Variants in ADGRG6 observed in about 807,000 individuals in gnomAD.
The protein encoded by ADGRG6 is adhesion G protein-coupled receptor G6.
Under a neutral mutation model 142.4 loss-of-function variants are expected in ADGRG6, and 84 were observed. The ratio of observed to expected loss-of-function variants is 0.59; its 90% CI spans 0.49 to 0.71. ADGRG6 has a LOEUF of 0.71. ADGRG6 is among the 30% of genes least tolerant of loss of function. ADGRG6 has a pLI of 0.00. For synonymous variants in ADGRG6, 521 were observed against 520.5 expected, an observed-to-expected ratio of 1.00 and a Z score of -0.01; for missense variants, 1,367 against 1,466.6, an observed-to-expected ratio of 0.93 and a Z score of 1.11.
intron 2 of ADGRG6, among the ~76,000 whole-genome samples, chr6:142,351,909 T>G (rs1390038076): frequency 6.6e-6 from 1 of 152,022 alleles, no homozygotes; most frequent in Non-Finnish European, 1.5e-5. Context: ...AAAACTACAG[T>G]GAAATACCAT....
Position 142,402,824 on chromosome 6 carries a change from C to T in ADGRG6, c.1949C>T (p.Ser650Phe). The change falls in exon 13 of 25, where the codon TCT becomes TTT. Residue 650 changes from serine to phenylalanine, a missense_variant. Physicochemically the swap from Ser to Phe is radical, Grantham distance 155. This residue lies in a region of ADGRG6 where 286 missense variants were observed against 371.4 expected (regional missense o/e 0.77). Transcript: ENST00000367609. ...SSSDSDLLES[S>F]SEALKTIDEL... Reference sequence around the variant, plus strand: ...TCAGACAGTGACTTGCTTGAGTCATCTTCTGAGTAAGTATTTTTTTTTTCC... The same window carrying T: ...TCAGACAGTGACTTGCTTGAGTCATTTTCTGAGTAAGTATTTTTTTTTTCC... 6.5e-7 allele frequency: 1 copy of T among 1,537,264 alleles called. No homozygotes were observed. The highest frequency in any genetic ancestry group is 8.8e-7 in the Non-Finnish European group (1 of 1,130,370).
At chr6:142,381,869 T>TATTAC (rs1054528893) in intron 4 of ADGRG6, 82 bp from the exon 5 acceptor site, 5 of 844,098 alleles carry the variant, frequency 5.9e-6, no homozygotes, top group Non-Finnish European at 9.7e-6. Context: ...GGGCTGCTTC[T>TATTAC]ATTACATCAA....
rs921416968 is a variant in ADGRG6 at position 142,370,414 on chromosome 6, A to G, written c.690A>G (p.Lys230=). 4 of 1,613,700 alleles carry G rather than the reference A, an allele frequency of 2.5e-6. No individual in the cohort carries two copies. Among genetic ancestry groups the G allele is most frequent in the Non-Finnish European group, 3.4e-6 (4 of 1,179,690 alleles). ...ACTTTCTATCCATTTCTGATTCAAA[A>G]TGTTTGTTGAATAATGCATTACCTG... ...SGYFLSISDS[K]CLLNNALPVK... is the part of the protein sequence containing the mutation. The change falls in exon 4 of 25, where the codon AAA becomes AAG. Residue 230 remains lysine (K), a synonymous_variant. Transcript: ENST00000367609.
chr6:142,323,743 C>T (rs529417280), intron 2 of ADGRG6, among the ~76,000 whole-genome samples: 2 of 152,076 alleles, frequency 1.3e-5, no homozygotes, highest in East Asian at 3.9e-4. Flanking sequence ...GGAATTGTAA[C>T]ATAATGGTAA....
At chr6:142,369,070 T>G (rs1034541181) in intron 3 of ADGRG6, among the ~76,000 whole-genome samples, 1 of 152,216 alleles carries the variant, frequency 6.6e-6, no homozygotes, top group Non-Finnish European at 1.5e-5. Context: ...ATAGTTATAC[T>G]AAAACGATGT....
chr6:142,302,474 T>C, intron 1 of ADGRG6, 143 bp downstream of exon 1: 9 of 825,026 alleles, frequency 1.1e-5, no homozygotes, highest in Non-Finnish European at 1.7e-5. Context: ...CCGGTTTGTC[T>C]TCAGTTTGCC....
At chr6:142,353,552 A>C (rs1027155002) in intron 2 of ADGRG6, among the ~76,000 whole-genome samples, 6 of 152,198 alleles carry the variant, frequency 3.9e-5, no homozygotes, top group Non-Finnish European at 8.8e-5. Flanking sequence ...CTATATTAAT[A>C]TTACTTGGAT....
chr6:142,319,764 A>G (rs558774796), intron 2 of ADGRG6, among the ~76,000 whole-genome samples: 5 of 152,240 alleles, frequency 3.3e-5, no homozygotes, highest in African/African-American at 4.8e-5. Flanking sequence ...TCTGTCCACT[A>G]TGTGTGCCTG....
chr6:142,419,457 C>T (rs1776545776), intron 21 of ADGRG6, among the ~76,000 whole-genome samples: 2 of 152,064 alleles, frequency 1.3e-5, no homozygotes, highest in African/African-American at 4.8e-5. Flanking sequence ...ACAAAGGAGA[C>T]CAAAAATTAG....
intron 2 of ADGRG6, among the ~76,000 whole-genome samples, chr6:142,364,081 C>A (rs182428975): frequency 5.0e-4 from 76 of 151,298 alleles, no homozygotes; most frequent in African/African-American, 1.7e-3. Context: ...GTGCTACTAT[C>A]AATTAGATGT....
intron 1 of ADGRG6, among the ~76,000 whole-genome samples, chr6:142,304,280 A>G (rs1777374489): frequency 6.6e-6 from 1 of 152,190 alleles, no homozygotes; most frequent in South Asian, 2.1e-4. Flanking sequence ...GAGAAAGTGT[A>G]TTTGTATATT....
intron 4 of ADGRG6, among the ~76,000 whole-genome samples, chr6:142,371,859 G>C (rs577988568): frequency 6.6e-6 from 1 of 152,198 alleles, no homozygotes; most frequent in Non-Finnish European, 1.5e-5. Flanking sequence ...AATTTCAATT[G>C]GATGACTTAA....
intron 2 of ADGRG6, among the ~76,000 whole-genome samples, chr6:142,360,334 A>G (rs1780652723): frequency 6.6e-6 from 1 of 152,210 alleles, no homozygotes; most frequent in Non-Finnish European, 1.5e-5. Flanking sequence ...ATTTAGGTAT[A>G]ATGAAGGCTT....
At chr6:142,378,355 GAA>G (rs2114912259) in intron 4 of ADGRG6, among the ~76,000 whole-genome samples, 1 of 152,252 alleles carries the variant, frequency 6.6e-6, no homozygotes, top group South Asian at 2.1e-4. Flanking sequence ...TGTAATATGA[GAA>G]CCACAGGAAC....
intron 22 of ADGRG6, among the ~76,000 whole-genome samples, chr6:142,425,185 A>G (rs972383752): frequency 2.6e-5 from 4 of 152,308 alleles, no homozygotes; most frequent in Non-Finnish European, 4.4e-5. Flanking sequence ...GTGGAGTGAC[A>G]TGATTGGATG....
intron 22 of ADGRG6, among the ~76,000 whole-genome samples, chr6:142,420,419 A>G (rs1776606937): frequency 6.6e-6 from 1 of 152,162 alleles, no homozygotes; most frequent in African/African-American, 2.4e-5. Flanking sequence ...CTGAGAACCA[A>G]ACGGGGAGTT....
chr6:142,414,754 T>G (rs1267036113), intron 18 of ADGRG6, among the ~76,000 whole-genome samples: 1 of 152,208 alleles, frequency 6.6e-6, no homozygotes, highest in Non-Finnish European at 1.5e-5. Context: ...TGAAAAACAA[T>G]GTGTAACGAC....
chr6:142,351,483 G>A (rs1780172198), intron 2 of ADGRG6, among the ~76,000 whole-genome samples: 1 of 152,078 alleles, frequency 6.6e-6, no homozygotes, highest in Non-Finnish European at 1.5e-5. Flanking sequence ...AATGGTGCTG[G>A]GATAACTGGC....
At chr6:142,354,791 A>ATT (rs1270551122) in intron 2 of ADGRG6, among the ~76,000 whole-genome samples, 1 of 152,230 alleles carries the variant, frequency 6.6e-6, no homozygotes, top group Non-Finnish European at 1.5e-5. Context: ...ATCAAGTTTT[A>ATT]TTAAAAATTT....
Sources: gnomAD v4.1 joint callset for allele counts (sites outside exome capture counted in the v4.1 genomes callset) on GRCh38, gnomAD v4.1.1 for gene constraint, gnomAD v4.1.1 regional missense constraint, MANE v1.5 for transcripts, NCBI Gene and HGNC (gene_info 2026-07-23, HGNC 2026-07-21) for gene names.